NHS: variants seen among roughly 807,000 people sequenced by gnomAD.
The protein encoded by NHS is actin remodeling regulator NHS.
NHS carries 5 observed loss-of-function variants against 72.5 expected under a neutral mutation model. That is an observed-to-expected ratio of 0.07 (90% CI 0.04 to 0.14). The LOEUF (loss-of-function observed/expected upper bound fraction) is 0.14, where lower values mean the gene tolerates loss of function less well. Ranked by LOEUF, NHS falls within the 10% of genes least tolerant of loss-of-function variation. NHS has a pLI of 1.00. For synonymous variants in NHS, 464 were observed against 547.7 expected (o/e 0.85, Z 2.13); for missense variants, 1,072 against 1,355.7 (o/e 0.79, Z 3.29).
chrX:17,613,036 A>G (rs1228330699), intron 1 of NHS, among the ~76,000 whole-genome samples: 1 of 107,552 alleles, frequency 9.3e-6, no homozygotes, highest in East Asian at 2.9e-4. Flanking sequence ...TTTTTTTAAC[A>G]TATCTCATAG....
At chrX:17,552,949 C>T (rs1291759832) in intron 1 of NHS, among the ~76,000 whole-genome samples, 1 of 112,974 alleles carries the variant, frequency 8.9e-6, no homozygotes, top group Non-Finnish European at 1.9e-5. Flanking sequence ...CACAGGACTT[C>T]TTTACTTCCA....
At chrX:17,723,727 GT>G in intron 5 of NHS, among the ~76,000 whole-genome samples, 1 of 4,683 alleles carries the variant, frequency 2.1e-4, no homozygotes, top group South Asian at 0.01. Context: ...AGCAAAAGAG[GT>G]GTGTGTGTGT....
At chrX:17,400,221 A>G (rs774116716) in intron 1 of NHS, among the ~76,000 whole-genome samples, 1 of 112,007 alleles carries the variant, frequency 8.9e-6, no homozygotes, top group African/African-American at 3.2e-5. Flanking sequence ...AGCTTTTAGG[A>G]TACAAGATCA....
At chrX:17,512,859 G>A (rs1194476177) in intron 1 of NHS, among the ~76,000 whole-genome samples, 2 of 111,770 alleles carry the variant, frequency 1.8e-5, no homozygotes, top group Non-Finnish European at 3.8e-5. Flanking sequence ...CCTTTCTCCT[G>A]TTGAACAAGG....
intron 1 of NHS, among the ~76,000 whole-genome samples, chrX:17,583,562 C>T (rs752989665): frequency 3.5e-4 from 39 of 112,346 alleles, no homozygotes; most frequent in African/African-American, 1.0e-3. Flanking sequence ...TTATTTCCGC[C>T]AAAGGAATGA....
intron 1 of NHS, among the ~76,000 whole-genome samples, chrX:17,399,099 T>TTTTTC (rs1352138305): frequency 9.0e-6 from 1 of 110,994 alleles, no homozygotes; most frequent in Non-Finnish European, 1.9e-5. Flanking sequence ...AGTTTTCTCT[T>TTTTTC]TTTTCTTTTC....
intron 1 of NHS, among the ~76,000 whole-genome samples, chrX:17,406,218 C>T (rs988226194): frequency 2.7e-4 from 30 of 111,602 alleles, no homozygotes; most frequent in African/African-American, 8.8e-4. Context: ...AACCGAGGCT[C>T]AAAGTAGCTC....
At chrX:17,495,268 A>G (rs937168521) in intron 1 of NHS, among the ~76,000 whole-genome samples, 2 of 111,811 alleles carry the variant, frequency 1.8e-5, no homozygotes, top group Non-Finnish European at 3.8e-5. Flanking sequence ...CATGGTAAAC[A>G]TTTCTACAAA....
intron 3 of NHS, among the ~76,000 whole-genome samples, chrX:17,717,935 CA>C (rs1158531186): frequency 1.8e-5 from 2 of 112,047 alleles, no homozygotes. Flanking sequence ...TCCAAATTAG[CA>C]AGTGGTGTTG....
intron 1 of NHS, among the ~76,000 whole-genome samples, chrX:17,574,453 C>G (rs895743457): frequency 8.9e-6 from 1 of 112,552 alleles, no homozygotes; most frequent in Admixed American, 9.3e-5. Flanking sequence ...AGGTCTATCT[C>G]AGAATGCTGT....
chrX:17,695,089 A>G (rs1041965608), intron 3 of NHS, among the ~76,000 whole-genome samples: 17 of 112,687 alleles, frequency 1.5e-4, no homozygotes, highest in Non-Finnish European at 2.4e-4. Context: ...TTACAATAAA[A>G]TTCTTACCAT....
intron 1 of NHS, among the ~76,000 whole-genome samples, chrX:17,511,374 T>G (rs2065087068): frequency 9.0e-6 from 1 of 111,720 alleles, no homozygotes; most frequent in Admixed American, 9.5e-5. Flanking sequence ...TGTCACATAG[T>G]ATAGGAACTT....
chrX:17,492,324 G>A (rs1028139660), intron 1 of NHS, among the ~76,000 whole-genome samples: 1 of 111,922 alleles, frequency 8.9e-6, no homozygotes, highest in Non-Finnish European at 1.9e-5. Flanking sequence ...ACAGATTCTG[G>A]TACATTGTGT....
intron 1 of NHS, among the ~76,000 whole-genome samples, chrX:17,404,698 C>G (rs2064519830): frequency 9.0e-6 from 1 of 110,869 alleles, no homozygotes; most frequent in Non-Finnish European, 1.9e-5. Flanking sequence ...GCCAAGCTCT[C>G]TAGCACCTCA....
intron 4 of NHS, 128 bp downstream of exon 4, chrX:17,719,534 T>C: frequency 1.8e-6 from 1 of 544,387 alleles, no homozygotes; most frequent in Non-Finnish European, 2.9e-6. Flanking sequence ...TTAAAATCAA[T>C]TTAAAAAGTG....
chrX:17,402,033 A>G lies in NHS; in HGVS notation c.565+25711A>G, dbSNP rs1318134384. On this transcript the variant is annotated intron_variant, in intron 1 of 8. Transcript: ENST00000676302. ...TTTTAAGTGGGCAAAAGATTTGAAT[A>G]GATATTACTCCAAAGAAGACATAAA... is the stretch of plus-strand genomic sequence containing the variant. Among the ~76,000 whole-genome samples the G allele has an allele frequency of 1.8e-5, 2 of 112,199 alleles. 1 individual carries two copies. Among genetic ancestry groups the G allele is most frequent in the Non-Finnish European group, 3.8e-5 (2 of 53,241 alleles).
intron 1 of NHS, among the ~76,000 whole-genome samples, chrX:17,677,164 C>G (rs2066087265): frequency 8.9e-6 from 1 of 111,874 alleles, no homozygotes; most frequent in Admixed American, 9.5e-5. Flanking sequence ...ATATTTAAGT[C>G]TGCCTTTGAG....
chrX:17,470,944 T>C (rs781100404), intron 1 of NHS, among the ~76,000 whole-genome samples: 112 of 111,386 alleles, frequency 1.0e-3, no homozygotes, highest in African/African-American at 3.6e-3. Context: ...TGGGGGGGTG[T>C]TGATCATTGT....
chrX:17,715,775 T>G (rs2066361338), intron 3 of NHS, among the ~76,000 whole-genome samples: 1 of 111,324 alleles, frequency 9.0e-6, no homozygotes, highest in South Asian at 3.8e-4. Flanking sequence ...TAGAACCCAG[T>G]GTGTGTTGTT....
Sources: gnomAD v4.1 joint callset for allele counts (sites outside exome capture counted in the v4.1 genomes callset) on GRCh38, gnomAD v4.1.1 for gene constraint, MANE v1.5 for transcripts, NCBI Gene and HGNC (gene_info 2026-07-23, HGNC 2026-07-21) for gene names.